The following UST variants were observed in gnomAD, a reference collection of about 807,000 sequenced individuals.
The protein encoded by UST is chondroitin sulfate 2-O-sulfotransferase.
A neutral mutation model predicts 45.6 loss-of-function variants in UST; 21 were observed. The observed-to-expected ratio is 0.46, with a 90% CI of 0.33 to 0.66. UST has a LOEUF of 0.66. Ranked by LOEUF, UST falls within the 30% of genes least tolerant of loss-of-function variation. The probability of loss-of-function intolerance (pLI) is 0.02; values close to 1 mark genes in which losing one functional copy is unlikely to be tolerated. For synonymous variants in UST, 215 were observed against 200.6 expected (o/e 1.07, Z -0.61); for missense variants, 463 against 512.4 (o/e 0.90, Z 0.93).
intron 1 of UST, among the ~76,000 whole-genome samples, chr6:148,845,137 T>G (rs551920341): frequency 1.3e-5 from 2 of 152,336 alleles, no homozygotes; most frequent in African/African-American, 2.4e-5. Context: ...CTGTATTCCT[T>G]CGGGTATGTA....
intron 5 of UST, among the ~76,000 whole-genome samples, chr6:148,977,751 CAAAAAAAAAA>C (rs60475773): frequency 1.8e-4 from 16 of 88,198 alleles, no homozygotes; most frequent in African/African-American, 5.1e-4. Flanking sequence ...GAATCTGTCT[CAAAAAAAAAA>C]AAAAAAAAAA....
At chr6:148,904,705 G>A (rs562405052) in intron 2 of UST, among the ~76,000 whole-genome samples, 1 of 152,176 alleles carries the variant, frequency 6.6e-6, no homozygotes, top group East Asian at 1.9e-4. Context: ...TGTGTTTTTA[G>A]TAGAGACTGA....
Position 149,004,715 on chromosome 6 carries a change from C to T in UST, c.682-14424C>T, listed in dbSNP as rs993495470. Among the ~76,000 whole-genome samples the T allele has an allele frequency of 2.6e-5, 4 of 152,170 alleles. No homozygotes were observed. The South Asian group carries it at 6.2e-4, about 24-fold the overall frequency. On this transcript the variant is annotated intron_variant, in intron 5 of 7. Coordinates refer to ENST00000367463, the MANE Select transcript of UST (RefSeq NM_005715.3). ...AAGACAGAGGCTCAGATACAGGCAGCAAAACATGGCTTCAGTTAAGAAATG... is the reference window on the plus strand; with the variant it reads ...AAGACAGAGGCTCAGATACAGGCAGTAAAACATGGCTTCAGTTAAGAAATG...
At chr6:148,844,017 C>T (rs552861195) in intron 1 of UST, among the ~76,000 whole-genome samples, 34 of 152,302 alleles carry the variant, frequency 2.2e-4, no homozygotes, top group Admixed American at 8.5e-4. Flanking sequence ...TCCACCCTTT[C>T]GTTCACCTGG....
chr6:148,984,672 C>A (rs1781206621), intron 5 of UST, among the ~76,000 whole-genome samples: 1 of 152,168 alleles, frequency 6.6e-6, no homozygotes, highest in Non-Finnish European at 1.5e-5. Context: ...GTAGCTCGGG[C>A]TATAGGTGTG....
At chr6:148,933,126 C>T (rs191754882) in intron 2 of UST, among the ~76,000 whole-genome samples, 90 of 152,214 alleles carry the variant, frequency 5.9e-4, no homozygotes, top group Non-Finnish European at 7.9e-4. Context: ...TCTTCTGTAA[C>T]GTAGCAAATC....
chr6:148,800,367 C>G (rs1777033042), intron 1 of UST, among the ~76,000 whole-genome samples: 1 of 152,210 alleles, frequency 6.6e-6, no homozygotes, highest in Non-Finnish European at 1.5e-5. Flanking sequence ...TTTACTTCAT[C>G]TTTCTTCCTC....
intron 4 of UST, among the ~76,000 whole-genome samples, chr6:148,960,203 C>T (rs569545846): frequency 6.6e-6 from 1 of 152,214 alleles, no homozygotes; most frequent in East Asian, 1.9e-4. Flanking sequence ...GCAGGAGAAT[C>T]GCTTGAACCC....
chr6:148,950,255 C>G (rs545224872), intron 3 of UST, among the ~76,000 whole-genome samples: 1 of 152,284 alleles, frequency 6.6e-6, no homozygotes, highest in African/African-American at 2.4e-5. Context: ...GCATTTCTAA[C>G]AAGTCTCGGG....
intron 1 of UST, among the ~76,000 whole-genome samples, chr6:148,750,879 C>T (rs1310907785): frequency 4.6e-5 from 7 of 152,288 alleles, no homozygotes; most frequent in East Asian, 3.9e-4. Flanking sequence ...TCGCATCTTC[C>T]GGGCGTTTTC....
At chr6:149,061,618 A>G (rs927295161) in intron 7 of UST, among the ~76,000 whole-genome samples, 2 of 152,206 alleles carry the variant, frequency 1.3e-5, no homozygotes, top group Non-Finnish European at 2.9e-5. Flanking sequence ...CAATCCACTG[A>G]CATATGCATT....
At chr6:148,901,764 G>A (rs1183535588) in intron 2 of UST, among the ~76,000 whole-genome samples, 2 of 152,038 alleles carry the variant, frequency 1.3e-5, no homozygotes, top group Non-Finnish European at 2.9e-5. Flanking sequence ...TTGCCATGTT[G>A]GCCAGGCTGG....
chr6:148,935,080 AG>A (rs770299029), intron 2 of UST, among the ~76,000 whole-genome samples: 14 of 152,146 alleles, frequency 9.2e-5, no homozygotes, highest in Non-Finnish European at 5.9e-5. Context: ...ATTTCAAACC[AG>A]GGCTAAGCTA....
chr6:148,767,226 C>T (rs1246551360), intron 1 of UST, among the ~76,000 whole-genome samples: 1 of 152,208 alleles, frequency 6.6e-6, no homozygotes, highest in Non-Finnish European at 1.5e-5. Flanking sequence ...TGCTATTAAG[C>T]ATTTCATAGA....
intron 1 of UST, among the ~76,000 whole-genome samples, chr6:148,844,418 A>T (rs1777946080): frequency 6.6e-6 from 1 of 152,148 alleles, no homozygotes; most frequent in Non-Finnish European, 1.5e-5. Flanking sequence ...TTTCTTATTA[A>T]GATAAAATTT....
At chr6:149,055,563 T>C (rs1204211032) in intron 7 of UST, among the ~76,000 whole-genome samples, 2 of 152,024 alleles carry the variant, frequency 1.3e-5, no homozygotes, top group African/African-American at 4.8e-5. Context: ...CTGTCTCTAA[T>C]GCAGTTTCCA....
chr6:148,932,337 G>T (rs2114911905), intron 2 of UST, among the ~76,000 whole-genome samples: 1 of 152,216 alleles, frequency 6.6e-6, no homozygotes, highest in South Asian at 2.1e-4. Flanking sequence ...CCAAGATTGT[G>T]CTCCTGCACT....
intron 2 of UST, among the ~76,000 whole-genome samples, chr6:148,896,280 A>G: frequency 6.6e-6 from 1 of 152,220 alleles, no homozygotes; most frequent in African/African-American, 2.4e-5. Flanking sequence ...CAAAACCTCA[A>G]AGCCTATTTT....
chr6:148,839,160 C>G (rs139361310), intron 1 of UST, among the ~76,000 whole-genome samples: 350 of 150,398 alleles, frequency 2.3e-3, no homozygotes, highest in Non-Finnish European at 3.2e-3. Context: ...TGCACTCGGC[C>G]GCAGCAGAAT....
Sources: gnomAD v4.1 joint callset for allele counts (sites outside exome capture counted in the v4.1 genomes callset) on GRCh38, gnomAD v4.1.1 for gene constraint, MANE v1.5 for transcripts, NCBI Gene and HGNC (gene_info 2026-07-23, HGNC 2026-07-21) for gene names.